The following SNTB1 variants were observed in gnomAD, a reference collection of about 807,000 sequenced individuals.
SNTB1 encodes the protein beta-1-syntrophin.
SNTB1 carries 36 observed loss-of-function variants against 48.9 expected under a neutral mutation model. The ratio of observed to expected loss-of-function variants is 0.74; its 90% confidence interval spans 0.56 to 0.97. The LOEUF is 0.97. SNTB1 is among the 50% of genes least tolerant of loss of function. The pLI, the probability that SNTB1 is intolerant of heterozygous loss-of-function variation, is 0.00. For synonymous variants in SNTB1, 299 were observed against 294.6 expected (o/e 1.01, Z -0.15); for missense variants, 786 against 703.4 (o/e 1.12, Z -1.33).
chr8:120,712,414 C>CCA (rs1818478715), intron 1 of SNTB1, among the ~76,000 whole-genome samples: 6 of 81,370 alleles, frequency 7.4e-5, no homozygotes. Context: ...GACTCCATCT[C>CCA]AAAAAAAAAA....
chr8:120,616,240 C>A (rs1417733698), intron 3 of SNTB1, among the ~76,000 whole-genome samples: 9 of 151,660 alleles, frequency 5.9e-5, no homozygotes, highest in African/African-American at 2.2e-4. Flanking sequence ...AGATTACTAG[C>A]AGTTGGTGAT....
intron 2 of SNTB1, among the ~76,000 whole-genome samples, chr8:120,681,195 G>C (rs1053090329): frequency 2.6e-5 from 4 of 152,124 alleles, no homozygotes; most frequent in Non-Finnish European, 5.9e-5. Context: ...TGTGTACTCT[G>C]TTATATACCA....
In SNTB1 at chr8:120,536,175, G is replaced by C. The variant is rs546128803; in HGVS notation, c.*2702C>G. The C allele has an allele frequency of 6.6e-6, 1 of 152,288 alleles. No homozygotes were observed. Among genetic ancestry groups the C allele is most frequent in the South Asian group, 2.1e-4 (1 of 4,822 alleles). The allele number at this position is 152,288 out of a possible 1,614,324, so 9.4% of individuals were successfully genotyped here. A position where few individuals can be genotyped will look rare whatever the true frequency, so the allele number is the denominator to read the frequency against. On this transcript the variant is annotated 3_prime_UTR_variant, in exon 7 of 7. Coordinates refer to ENST00000517992, the MANE Select transcript of SNTB1 (RefSeq NM_021021.4). ...CTATTGGCCTTCTTTAAATCCCTAT[G>C]AGATGGCTTAAAAGGATGTCACTGC... is the stretch of plus-strand genomic sequence containing the variant.
chr8:120,689,210 A>T (rs1818084674), intron 2 of SNTB1, among the ~76,000 whole-genome samples: 1 of 152,130 alleles, frequency 6.6e-6, no homozygotes, highest in African/African-American at 2.4e-5. Context: ...TTTAATGCAG[A>T]CTACAGGCAC....
intron 2 of SNTB1, among the ~76,000 whole-genome samples, chr8:120,646,661 A>G (rs905413191): frequency 9.9e-5 from 15 of 152,032 alleles, no homozygotes; most frequent in African/African-American, 2.9e-4. Flanking sequence ...CTTTGGTATC[A>G]GAATGATGCT....
intron 1 of SNTB1, among the ~76,000 whole-genome samples, chr8:120,792,387 A>G (rs1015367366): frequency 1.6e-4 from 25 of 152,044 alleles, no homozygotes; most frequent in African/African-American, 5.1e-4. Flanking sequence ...AAACCTGTCT[A>G]TTGGGTACAA....
intron 5 of SNTB1, among the ~76,000 whole-genome samples, chr8:120,546,257 T>C (rs2130648684): frequency 6.6e-6 from 1 of 152,270 alleles, no homozygotes; most frequent in African/African-American, 2.4e-5. Flanking sequence ...CTGGAAGAGG[T>C]TGGCCTTAGA....
At chr8:120,542,039 C>T (rs574851015) in intron 5 of SNTB1, 39 bp from the exon 6 acceptor site, 1 of 1,526,450 alleles carries the variant, frequency 6.6e-7, no homozygotes, top group Admixed American at 1.8e-5. Context: ...CAAGTATGAA[C>T]CATGGCAATC....
At chr8:120,811,135 C>A (rs1820419669) in intron 1 of SNTB1, 138 bp downstream of exon 1, 12 of 1,213,120 alleles carry the variant, frequency 9.9e-6, no homozygotes, top group Non-Finnish European at 1.2e-5. Flanking sequence ...CACCCTTCCC[C>A]CCCCCCCAAC....
intron 2 of SNTB1, among the ~76,000 whole-genome samples, chr8:120,662,028 C>A (rs910850216): frequency 6.6e-6 from 1 of 151,972 alleles, no homozygotes; most frequent in South Asian, 2.1e-4. Context: ...GTAGATATTT[C>A]ACTGTCAAGG....
chr8:120,774,738 T>A (rs945519764), intron 1 of SNTB1, among the ~76,000 whole-genome samples: 5 of 152,188 alleles, frequency 3.3e-5, no homozygotes, highest in Non-Finnish European at 7.4e-5. Flanking sequence ...CACTGTGACC[T>A]CTGCCTCTGG....
intron 1 of SNTB1, among the ~76,000 whole-genome samples, chr8:120,749,008 A>G (rs942150720): frequency 6.6e-6 from 1 of 152,218 alleles, no homozygotes; most frequent in African/African-American, 2.4e-5. Context: ...GACACCTGGC[A>G]CCCAATAAGA....
rs368150724 is a variant in SNTB1, at chr8:120,669,847, A to C, written c.788+23845T>G. Among the ~76,000 whole-genome samples, 566 of 152,320 alleles carry C rather than the reference A, an allele frequency of 3.7e-3. 2 individuals carry two copies. The highest frequency in any genetic ancestry group is 0.013 in the African/African-American group (540 of 41,566). On this transcript the variant is annotated intron_variant, in intron 2 of 6. Coordinates refer to ENST00000517992, the MANE Select transcript of SNTB1 (RefSeq NM_021021.4). ...TGGGGTCTGAAACTCAGCATTTCTT[A>C]CAAATCCCCAGGTGATGTGATGCTG...
At chr8:120,632,986 T>C (rs933695482) in intron 2 of SNTB1, among the ~76,000 whole-genome samples, 2 of 152,248 alleles carry the variant, frequency 1.3e-5, no homozygotes, top group South Asian at 2.1e-4. Context: ...GATACTAATT[T>C]GCTTTACTTC....
At chr8:120,545,292 C>G (rs553495450) in intron 5 of SNTB1, among the ~76,000 whole-genome samples, 4 of 152,056 alleles carry the variant, frequency 2.6e-5, no homozygotes, top group Non-Finnish European at 5.9e-5. Flanking sequence ...TGCAGGGAGC[C>G]GAGATCATGC....
intron 2 of SNTB1, among the ~76,000 whole-genome samples, chr8:120,650,424 G>A (rs977678651): frequency 1.3e-5 from 2 of 152,116 alleles, no homozygotes; most frequent in Admixed American, 1.3e-4. Context: ...AATTATTTGT[G>A]CACTGAGTAA....
intron 1 of SNTB1, among the ~76,000 whole-genome samples, chr8:120,794,309 T>C (rs1036031841): frequency 6.6e-6 from 1 of 152,014 alleles, no homozygotes; most frequent in African/African-American, 2.4e-5. Flanking sequence ...CCAGCTCCCA[T>C]CAGCTCAAGT....
intron 5 of SNTB1, among the ~76,000 whole-genome samples, chr8:120,546,776 C>A (rs1015195561): frequency 6.6e-6 from 1 of 152,020 alleles, no homozygotes; most frequent in African/African-American, 2.4e-5. Flanking sequence ...GGTTTCCAGT[C>A]CCTTATTTAA....
intron 1 of SNTB1, among the ~76,000 whole-genome samples, chr8:120,742,624 G>T (rs904449898): frequency 1.3e-5 from 2 of 152,148 alleles, no homozygotes; most frequent in African/African-American, 4.8e-5. Context: ...AGTCATATGG[G>T]CAGTGTTTCA....
Sources: allele counts gnomAD v4.1 joint callset (sites outside exome capture counted in the v4.1 genomes callset), GRCh38; gene constraint gnomAD v4.1.1; transcripts MANE v1.5; gene names NCBI Gene and HGNC (gene_info 2026-07-23, HGNC 2026-07-21).